USP34: variants seen among roughly 807,000 people sequenced by gnomAD.
USP34 encodes ubiquitin specific peptidase 34.
USP34 carries 70 observed loss-of-function variants against 460.3 expected under a neutral mutation model. That is an observed-to-expected ratio of 0.15 (90% CI 0.13 to 0.19). The LOEUF (loss-of-function observed/expected upper bound fraction) is 0.19. Among genes scored for constraint, USP34 ranks in the 10% least tolerant of loss-of-function variants. The pLI is 1.00. For missense variants in USP34, 3,985 were observed against 4,236.2 expected (o/e 0.94, Z 1.65); for synonymous variants, 1,647 against 1,405.3 (o/e 1.17, Z -3.85).
intron 41 of USP34, 103 bp downstream of exon 41, chr2:61,278,062 G>C: frequency 7.3e-7 from 1 of 1,369,558 alleles, no homozygotes; most frequent in Non-Finnish European, 1.0e-6. Flanking sequence ...GCCCAGTCTC[G>C]GGTATGCCTT....
chr2:61,435,440 CAG>C (rs2104008908), intron 1 of USP34, among the ~76,000 whole-genome samples: 1 of 147,520 alleles, frequency 6.8e-6, no homozygotes, highest in African/African-American at 2.5e-5. Context: ...ATGGGATTAA[CAG>C]AGTTAAAGTA....
chr2:61,380,615 G>A (rs911789234), intron 6 of USP34, among the ~76,000 whole-genome samples: 1 of 152,062 alleles, frequency 6.6e-6, no homozygotes, highest in African/African-American at 2.4e-5. Context: ...ATCATTATAT[G>A]TACAAGAATT....
chr2:61,275,147 T>G (rs1689333762), intron 41 of USP34, among the ~76,000 whole-genome samples: 1 of 152,012 alleles, frequency 6.6e-6, no homozygotes, highest in South Asian at 2.1e-4. Context: ...GGTATGGTGA[T>G]GCCTGCCTGT....
At chr2:61,252,028 C>T (rs1048163030) in intron 48 of USP34, among the ~76,000 whole-genome samples, 1 of 150,416 alleles carries the variant, frequency 6.6e-6, no homozygotes, top group Non-Finnish European at 1.5e-5. Flanking sequence ...TTTCCTATGT[C>T]GAGATAAGAA....
intron 10 of USP34, among the ~76,000 whole-genome samples, chr2:61,358,103 A>T (rs1162918336): frequency 1.3e-5 from 2 of 152,130 alleles, no homozygotes; most frequent in Non-Finnish European, 2.9e-5. Flanking sequence ...GAGACAGGAG[A>T]ATCACTTGAA....
intron 18 of USP34, among the ~76,000 whole-genome samples, chr2:61,338,063 T>A (rs1691480376): frequency 6.6e-6 from 1 of 152,244 alleles, no homozygotes; most frequent in Non-Finnish European, 1.5e-5. Context: ...GACTCACGCC[T>A]GTAATCCCAG....
intron 2 of USP34, among the ~76,000 whole-genome samples, chr2:61,419,218 G>A (rs1432792638): frequency 2.6e-5 from 4 of 151,594 alleles, no homozygotes; most frequent in Admixed American, 6.6e-5. Context: ...ATGGGGTCTC[G>A]CCCTGTAGCC....
intron 75 of USP34, among the ~76,000 whole-genome samples, chr2:61,197,311 G>A (rs1484702812): frequency 6.6e-6 from 1 of 152,076 alleles, no homozygotes; most frequent in African/African-American, 2.4e-5. Context: ...CATTTTCTAG[G>A]TATGTCAGAT....
At chr2:61,464,363 C>A (rs1159500005) in intron 1 of USP34, among the ~76,000 whole-genome samples, 1 of 152,084 alleles carries the variant, frequency 6.6e-6, no homozygotes, top group African/African-American at 2.4e-5. Flanking sequence ...AATTATTCTG[C>A]AAATACAGAT....
chr2:61,318,434 T>C (rs187901556), intron 22 of USP34, among the ~76,000 whole-genome samples: 207 of 152,298 alleles, frequency 1.4e-3, no homozygotes, highest in Non-Finnish European at 2.6e-3. Context: ...AAAAGTTATA[T>C]TTGTAGCTCT....
At chr2:61,259,676 G>T in intron 44 of USP34, 35 bp downstream of exon 44, 1 of 1,599,304 alleles carries the variant, frequency 6.3e-7, no homozygotes. Flanking sequence ...ATGAGCCACA[G>T]TGCCTGGCCT....
chr2:61,209,077 C>T, intron 69 of USP34, 100 bp from the exon 70 acceptor site: 4 of 617,316 alleles, frequency 6.5e-6, no homozygotes, highest in Non-Finnish European at 1.0e-5. Context: ...TTTAAGCTCT[C>T]TGCTTTCCTA....
intron 20 of USP34, among the ~76,000 whole-genome samples, chr2:61,329,142 C>T (rs1345848537): frequency 6.6e-6 from 1 of 152,068 alleles, no homozygotes; most frequent in East Asian, 1.9e-4. Context: ...CTGCCTCAGC[C>T]GCCTGAGTAG....
intron 1 of USP34, among the ~76,000 whole-genome samples, chr2:61,445,756 G>C (rs1349183076): frequency 6.6e-6 from 1 of 152,024 alleles, no homozygotes; most frequent in Non-Finnish European, 1.5e-5. Flanking sequence ...AGGAGTTCAA[G>C]ACCAGCCTGA....
intron 57 of USP34, among the ~76,000 whole-genome samples, chr2:61,235,041 A>C (rs1387378732): frequency 6.6e-6 from 1 of 152,186 alleles, no homozygotes; most frequent in Non-Finnish European, 1.5e-5. Flanking sequence ...AAAAAGACTA[A>C]AAAATTTTGC....
intron 25 of USP34, among the ~76,000 whole-genome samples, chr2:61,312,570 G>C (rs1690628144): frequency 6.6e-6 from 1 of 151,494 alleles, no homozygotes; most frequent in Non-Finnish European, 1.5e-5. Flanking sequence ...GATAAAAAGT[G>C]AGGGAATGAA....
intron 20 of USP34, among the ~76,000 whole-genome samples, chr2:61,326,746 C>T (rs1165607055): frequency 1.4e-5 from 2 of 147,478 alleles, no homozygotes; most frequent in Non-Finnish European, 1.5e-5. Context: ...ATGCTCTGAT[C>T]TATAACCTAG....
At chr2:61,270,463 G>A (rs1689178457) in intron 41 of USP34, among the ~76,000 whole-genome samples, 2 of 152,134 alleles carry the variant, frequency 1.3e-5, no homozygotes, top group South Asian at 2.1e-4. Context: ...TTTTGAGAGT[G>A]TCTTGCTTTG....
At chr2:61,229,488 A>AAAAAAAAAC in intron 59 of USP34, 60 bp downstream of exon 59, 1 of 822,628 alleles carries the variant, frequency 1.2e-6, no homozygotes. Context: ...AAAAAAAAAA[A>AAAAAAAAAC]CAAAAACACC....
Sources: gnomAD v4.1 joint callset for allele counts (sites outside exome capture counted in the v4.1 genomes callset) on GRCh38, gnomAD v4.1.1 for gene constraint, MANE v1.5 for transcripts, NCBI Gene and HGNC (gene_info 2026-07-23, HGNC 2026-07-21) for gene names.